The following DAB1 variants were observed in gnomAD, a reference collection of about 807,000 sequenced individuals.
DAB1 encodes the protein DAB adaptor protein 1, also known as disabled homolog 1.
In DAB1, 15 loss-of-function variants were observed where a neutral mutation model predicts 64.6. The ratio of observed to expected loss-of-function variants is 0.23; its 90% CI spans 0.16 to 0.36. DAB1 has a LOEUF of 0.36. DAB1 is among the 10% of genes least tolerant of loss of function. The pLI is 1.00. For missense variants in DAB1, 596 were observed against 706.7 expected, an observed-to-expected ratio of 0.84 and a Z score of 1.78; for synonymous variants, 235 against 251.9, an observed-to-expected ratio of 0.93 and a Z score of 0.64.
chr1:57,664,913 T>A (rs1646428753), intron 6 of DAB1, among the ~76,000 whole-genome samples: 1 of 152,064 alleles, frequency 6.6e-6, no homozygotes, highest in South Asian at 2.1e-4. Context: ...CATCAAATGT[T>A]GTGAACAGTT....
chr1:57,180,463 A>C (rs192882486), intron 2 of DAB1, among the ~76,000 whole-genome samples: 72 of 152,358 alleles, frequency 4.7e-4, no homozygotes, highest in African/African-American at 1.6e-3. Context: ...CTGAAAGCAA[A>C]GACTTCAAAC....
At chr1:58,276,766 T>C (rs969728189) in intron 4 of DAB1, among the ~76,000 whole-genome samples, 2 of 152,182 alleles carry the variant, frequency 1.3e-5, no homozygotes, top group East Asian at 1.9e-4. Context: ...CTAAGTCTTA[T>C]CATTTTTTCT....
intron 2 of DAB1, among the ~76,000 whole-genome samples, chr1:57,168,742 T>C (rs990818709): frequency 6.6e-6 from 1 of 152,142 alleles, no homozygotes; most frequent in Non-Finnish European, 1.5e-5. Flanking sequence ...TTAGTTCATA[T>C]TGAACAGTTT....
intron 3 of DAB1, among the ~76,000 whole-genome samples, chr1:58,355,571 A>G (rs543175880): frequency 6.6e-6 from 1 of 152,164 alleles, no homozygotes; most frequent in Admixed American, 6.5e-5. Context: ...TAAAACTTCA[A>G]TCTCACCCAA....
intron 5 of DAB1, among the ~76,000 whole-genome samples, chr1:57,914,590 C>A (rs545475845): frequency 3.3e-5 from 5 of 151,962 alleles, no homozygotes; most frequent in Admixed American, 2.0e-4. Flanking sequence ...AAAAAAGAAT[C>A]CTATGCCTGC....
chr1:58,113,846 A>T (rs542615299), intron 5 of DAB1, among the ~76,000 whole-genome samples: 12 of 151,644 alleles, frequency 7.9e-5, no homozygotes, highest in African/African-American at 2.7e-4. Flanking sequence ...TTTCACAATC[A>T]TGATTTTATT....
chr1:58,030,794 C>T (rs1023836349), intron 5 of DAB1, among the ~76,000 whole-genome samples: 1 of 152,186 alleles, frequency 6.6e-6, no homozygotes, highest in African/African-American at 2.4e-5. Context: ...GGTCAGCAGA[C>T]ATCAGCCTTT....
At chr1:58,541,888 G>C (rs1421763043) in intron 1 of DAB1, among the ~76,000 whole-genome samples, 1 of 152,248 alleles carries the variant, frequency 6.6e-6, no homozygotes, top group East Asian at 1.9e-4. Context: ...TTGTATCTCA[G>C]TGATAGTTAC....
At chr1:57,659,315 A>C (rs1238035008) in intron 6 of DAB1, among the ~76,000 whole-genome samples, 2 of 152,264 alleles carry the variant, frequency 1.3e-5, no homozygotes, top group African/African-American at 4.8e-5. Flanking sequence ...TACATAAATA[A>C]AATTAATAAA....
intron 6 of DAB1, among the ~76,000 whole-genome samples, chr1:57,818,515 T>G (rs576817251): frequency 6.6e-6 from 1 of 152,142 alleles, no homozygotes; most frequent in Non-Finnish European, 1.5e-5. Flanking sequence ...ACAGTAATGC[T>G]AATAATTGTA....
intron 5 of DAB1, among the ~76,000 whole-genome samples, chr1:57,972,053 A>G (rs12030140): frequency 0.05 from 7,554 of 152,226 alleles, 353 homozygotes; most frequent in East Asian, 0.12. Context: ...CATCCAGATG[A>G]TAGTATTTTA....
intron 2 of DAB1, among the ~76,000 whole-genome samples, chr1:57,230,420 A>T (rs545279483): frequency 6.6e-6 from 1 of 152,178 alleles, no homozygotes; most frequent in East Asian, 1.9e-4. Context: ...TGTCATTATG[A>T]TAAGGAAATA....
At chr1:57,860,792 C>A (rs1194691657) in intron 1 of DAB1, 1 of 152,218 alleles carries the variant, frequency 6.6e-6, no homozygotes, top group African/African-American at 2.4e-5. Flanking sequence ...AAAGCTGCCA[C>A]TTTTGAGGCC....
chr1:58,382,470 C>T (rs1424239034), intron 3 of DAB1, among the ~76,000 whole-genome samples: 2 of 152,222 alleles, frequency 1.3e-5, no homozygotes, highest in Non-Finnish European at 2.9e-5. Context: ...AGAGCTATCA[C>T]ATATGGCTGA....
At chr1:57,415,106 C>T (rs1295005592) in intron 1 of DAB1, among the ~76,000 whole-genome samples, 2 of 152,062 alleles carry the variant, frequency 1.3e-5, no homozygotes, top group Admixed American at 6.6e-5. Context: ...CTGGCCAATA[C>T]CAAGATTCAT....
rs142899607 is a variant in DAB1, at chr1:57,184,310, G to A, written c.68-38881C>T. ...TGTATAATACATTTAGGAGAAAAAG[G>A]ATTCTTTTAATTAGATGGGAGAGAA... is the stretch of plus-strand genomic sequence containing the variant. On this transcript the variant is annotated intron_variant, in intron 2 of 14. Coordinates refer to ENST00000371236, the MANE Select transcript of DAB1 (RefSeq NM_001365792.1). Among the ~76,000 whole-genome samples the A allele has an allele frequency of 8.2e-4, 125 of 152,262 alleles. 2 individuals are homozygous for A. In the East Asian group the frequency reaches 0.019, roughly 23 times the overall value.
intron 6 of DAB1, among the ~76,000 whole-genome samples, chr1:57,700,645 T>C (rs1198076496): frequency 6.6e-6 from 1 of 152,196 alleles, no homozygotes; most frequent in Non-Finnish European, 1.5e-5. Flanking sequence ...GAGACTTTTA[T>C]TTTTATATGC....
At chr1:58,309,549 A>G (rs1662381623) in intron 4 of DAB1, among the ~76,000 whole-genome samples, 1 of 152,176 alleles carries the variant, frequency 6.6e-6, no homozygotes, top group Non-Finnish European at 1.5e-5. Context: ...AACTTGTCCC[A>G]GATACATAAC....
intron 1 of DAB1, chr1:58,536,875 T>C (rs1646526509): frequency 1.7e-6 from 1 of 581,134 alleles, no homozygotes; most frequent in African/African-American, 1.9e-5. Flanking sequence ...ATACATCGCT[T>C]TTCCAATTAA....
Sources: allele counts gnomAD v4.1 joint callset (sites outside exome capture counted in the v4.1 genomes callset), GRCh38; gene constraint gnomAD v4.1.1; transcripts MANE v1.5; gene names NCBI Gene and HGNC (gene_info 2026-07-23, HGNC 2026-07-21).